Variants in EYA4 observed in about 807,000 individuals in gnomAD.
EYA4 encodes EYA transcriptional coactivator and phosphatase 4.
Under a neutral mutation model 87.9 loss-of-function variants are expected in EYA4, and 31 were observed. The ratio of observed to expected loss-of-function variants is 0.35; its 90% CI spans 0.27 to 0.48. The LOEUF (loss-of-function observed/expected upper bound fraction) is 0.48, where lower values mean the gene tolerates loss of function less well. Among genes scored for constraint, EYA4 ranks in the 20% least tolerant of loss-of-function variants. EYA4 has a pLI of 0.99. For missense variants in EYA4, 678 were observed against 761.4 expected, an observed-to-expected ratio of 0.89 and a Z score of 1.29; for synonymous variants, 263 against 270.6, an observed-to-expected ratio of 0.97 and a Z score of 0.28.
intron 13 of EYA4, among the ~76,000 whole-genome samples, chr6:133,500,826 T>A (rs1465558222): frequency 1.3e-5 from 2 of 152,166 alleles, no homozygotes; most frequent in African/African-American, 4.8e-5. Flanking sequence ...AAGAGCTTCT[T>A]GAGCCCATTT....
At chr6:133,297,538 A>G (rs1479048418) in intron 2 of EYA4, among the ~76,000 whole-genome samples, 4 of 152,204 alleles carry the variant, frequency 2.6e-5, no homozygotes, top group Non-Finnish European at 5.9e-5. Context: ...TGATGTGACC[A>G]TCCCACTTTT....
chr6:133,462,558 T>A (rs1375627660), intron 8 of EYA4, 63 bp from the exon 9 acceptor site: 21 of 1,612,672 alleles, frequency 1.3e-5, no homozygotes, highest in Non-Finnish European at 1.7e-5. Flanking sequence ...TATTGTAGGT[T>A]ACAACTTAGA....
At chr6:133,401,097 G>C (rs1013711073) in intron 3 of EYA4, among the ~76,000 whole-genome samples, 2 of 152,170 alleles carry the variant, frequency 1.3e-5, no homozygotes, top group East Asian at 3.8e-4. Context: ...CAACAACATG[G>C]ATAGAACTGG....
chr6:133,481,173 A>T (rs1796186822), intron 11 of EYA4, among the ~76,000 whole-genome samples: 1 of 152,114 alleles, frequency 6.6e-6, no homozygotes, highest in Non-Finnish European at 1.5e-5. Flanking sequence ...GGAGGTGAGG[A>T]CATATCTAAA....
chr6:133,524,488 A>C (rs576077922), intron 18 of EYA4, among the ~76,000 whole-genome samples: 37 of 152,304 alleles, frequency 2.4e-4, no homozygotes, highest in African/African-American at 8.9e-4. Flanking sequence ...TAGTGCAATA[A>C]GAGGATACCA....
chr6:133,527,080 C>T (rs1800698972), intron 19 of EYA4, among the ~76,000 whole-genome samples: 1 of 152,192 alleles, frequency 6.6e-6, no homozygotes, highest in Non-Finnish European at 1.5e-5. Flanking sequence ...GAATGGAAAA[C>T]AATCTCAGAT....
At chr6:133,425,989 G>A (rs774326789) in intron 3 of EYA4, among the ~76,000 whole-genome samples, 8 of 151,028 alleles carry the variant, frequency 5.3e-5, no homozygotes, top group East Asian at 2.0e-4. Context: ...ACACGATGCC[G>A]TTTCCCATCT....
chr6:133,474,173 G>GT (rs138357161), intron 11 of EYA4, among the ~76,000 whole-genome samples: 8,249 of 151,950 alleles, frequency 0.054, 304 homozygotes, highest in Middle Eastern at 0.11. Context: ...CCAAAAGGGT[G>GT]TTTTTTTAAT....
At chr6:133,509,171 A>T (rs76403591) in intron 14 of EYA4, among the ~76,000 whole-genome samples, 4,494 of 152,244 alleles carry the variant, frequency 0.03, 253 homozygotes, top group East Asian at 0.18. Context: ...AGTTACATAC[A>T]TAGCGCCCTA....
At chr6:133,435,342 A>AC (rs1791557109) in intron 3 of EYA4, 1 of 152,428 alleles carries the variant, frequency 6.6e-6, no homozygotes, top group Admixed American at 6.5e-5. Flanking sequence ...GACAGGGATG[A>AC]GGTCACTGGC....
chr6:133,388,355 C>A (rs1426712681), intron 3 of EYA4, among the ~76,000 whole-genome samples: 2 of 149,970 alleles, frequency 1.3e-5, no homozygotes, highest in African/African-American at 4.9e-5. Context: ...TGCAGTGAGC[C>A]GTAATCATGC....
chr6:133,479,314 T>G (rs1029720934), intron 11 of EYA4, among the ~76,000 whole-genome samples: 1 of 152,174 alleles, frequency 6.6e-6, no homozygotes. Context: ...CTTAAAAACC[T>G]TATTACTCTG....
chr6:133,370,928 G>T (rs1266266249), intron 2 of EYA4, among the ~76,000 whole-genome samples: 1 of 151,838 alleles, frequency 6.6e-6, no homozygotes, highest in Non-Finnish European at 1.5e-5. Context: ...GTTTAGTGAG[G>T]TTTACCTTCC....
intron 2 of EYA4, among the ~76,000 whole-genome samples, chr6:133,377,826 G>A (rs181519506): frequency 7.2e-4 from 109 of 151,968 alleles, no homozygotes; most frequent in African/African-American, 2.5e-3. Context: ...GTTTTAAATG[G>A]GAGATATTAG....
rs73546865 is a variant in EYA4 at position 133,530,463 on chromosome 6, C to T, written c.*1658C>T. ...CTAGAGTATTTTTATGGTGTCTGCA[C>T]CTGCAGTTCTGTGTTTAAAATGTCA... On this transcript the variant is annotated 3_prime_UTR_variant, in exon 20 of 20. Coordinates refer to ENST00000355286, the MANE Select transcript of EYA4 (RefSeq NM_004100.5). 8,440 of 985,670 alleles carry T rather than the reference C, an allele frequency of 8.6e-3. 565 individuals carry two copies. In the African/African-American group the frequency reaches 0.13, roughly 16 times the overall value. The allele number at this position is 985,670 out of a possible 1,614,324, so 61.1% of individuals were successfully genotyped here.
At chr6:133,515,271 C>A in intron 16 of EYA4, 50 bp from the exon 17 acceptor site, 1 of 886,046 alleles carries the variant, frequency 1.1e-6, no homozygotes, top group South Asian at 1.3e-5. Context: ...ACTAGATATT[C>A]TGAGACAATA....
Position 133,294,021 on chromosome 6 carries a change from TTTTA to T in EYA4, c.33+19210_33+19213del, listed in dbSNP as rs1215523122. Among the ~76,000 whole-genome samples the T allele has an allele frequency of 4.5e-4, 16 of 35,644 alleles. 1 individual carries two copies. Among genetic ancestry groups the T allele is most frequent in the African/African-American group, 1.2e-3 (10 of 8,232 alleles). The allele number at this position is 35,644 out of a possible 152,430, so 23.4% of individuals were successfully genotyped here. On this transcript the variant is annotated intron_variant, in intron 2 of 19. Coordinates refer to ENST00000355286, the MANE Select transcript of EYA4 (RefSeq NM_004100.5). ...AAAATTCCTGTGCTCCCTAGGGTGA[TTTTA>T]TATATATATATATATATATATATAT...
chr6:133,273,572 C>T (rs902470300), intron 1 of EYA4, among the ~76,000 whole-genome samples: 1 of 152,084 alleles, frequency 6.6e-6, no homozygotes, highest in Non-Finnish European at 1.5e-5. Flanking sequence ...TATTTAATGT[C>T]AGTAGATATT....
intron 2 of EYA4, among the ~76,000 whole-genome samples, chr6:133,289,883 A>AG (rs933048618): frequency 6.6e-6 from 1 of 152,238 alleles, no homozygotes; most frequent in African/African-American, 2.4e-5. Flanking sequence ...GGCAAGAGCT[A>AG]GGATAGCAGG....
Sources: allele counts gnomAD v4.1 joint callset (sites outside exome capture counted in the v4.1 genomes callset), GRCh38; gene constraint gnomAD v4.1.1; transcripts MANE v1.5; gene names NCBI Gene and HGNC (gene_info 2026-07-23, HGNC 2026-07-21).